PCDHGA5: variants seen among roughly 807,000 people sequenced by gnomAD.
PCDHGA5 encodes the protein protocadherin gamma-A5.
Under a neutral mutation model 56.7 loss-of-function variants are expected in PCDHGA5, and 36 were observed. That is an observed-to-expected ratio of 0.64 (90% CI 0.49 to 0.84). PCDHGA5 has a LOEUF of 0.84. Ranked by LOEUF, PCDHGA5 falls within the 40% of genes least tolerant of loss-of-function variation. The pLI is 0.00. For synonymous variants in PCDHGA5, 563 were observed against 520.2 expected (o/e 1.08, Z -1.12); for missense variants, 1,305 against 1,201.5 (o/e 1.09, Z -1.27).
intron 1 of PCDHGA5, chr5:141,414,969 G>A (rs764972439): frequency 7.4e-6 from 12 of 1,613,954 alleles, no homozygotes; most frequent in South Asian, 1.1e-5. Context: ...TGGTGGCGGT[G>A]GACAGAGACT....
intron 1 of PCDHGA5, among the ~76,000 whole-genome samples, chr5:141,430,398 C>T (rs2097281985): frequency 6.7e-6 from 1 of 150,224 alleles, no homozygotes. Flanking sequence ...AAAAAAAAAG[C>T]TCACTAAAGT....
chr5:141,481,913 CAA>C (rs34114744), intron 1 of PCDHGA5, among the ~76,000 whole-genome samples: 12,059 of 90,730 alleles, frequency 0.13, 576 homozygotes, highest in African/African-American at 0.21. Flanking sequence ...AACTCCATCT[CAA>C]AAAAAAAAAA....
In PCDHGA5 at chr5:141,432,601, G is replaced by A. The variant is rs1313279772; in HGVS notation, c.2422-62206G>A. The A allele has an allele frequency of 5.6e-6, 9 of 1,613,950 alleles. No homozygotes were observed. Among genetic ancestry groups the A allele is most frequent in the Admixed American group, 1.7e-5 (1 of 60,030 alleles). On this transcript the variant is annotated intron_variant, in intron 1 of 3. Transcript: ENST00000518069. The surrounding 1 kb of genome is among the most constrained non-coding windows in gnomAD (Gnocchi z 6.0). ...ACCGTCTGCTCAAGGCCAGCGAGCC[G>A]GGACTCTTCTCGGTGGGTCTGCACA...
intron 1 of PCDHGA5, among the ~76,000 whole-genome samples, chr5:141,449,520 C>T (rs1384869748): frequency 1.4e-5 from 2 of 144,104 alleles, no homozygotes; most frequent in Non-Finnish European, 1.5e-5. Context: ...ACCTGGGAGG[C>T]GGAGGTTGCA....
Position 141,366,562 on chromosome 5 carries a change from T to A in PCDHGA5, c.2232T>A (p.Asp744Glu), listed in dbSNP as rs767375100. 15 of 1,614,112 alleles carry A rather than the reference T, an allele frequency of 9.3e-6. No homozygotes were observed. The East Asian group carries it at 2.0e-4, about 22-fold the overall frequency. Residue 744 changes from aspartate (D) to glutamate (E), a missense_variant, in exon 1 of 4, where the codon GAT becomes GAA. Asp to Glu is a conservative substitution (Grantham distance 45). Transcript: ENST00000518069. ...GVPASHFVGV[D>E]GVRAFLQTYS... Reference sequence around the variant, plus strand: ...CCGCCTCGCACTTTGTGGGCGTGGATGGGGTTCGGGCTTTCCTGCAGACCT... The same window carrying A: ...CCGCCTCGCACTTTGTGGGCGTGGAAGGGGTTCGGGCTTTCCTGCAGACCT...
chr5:141,486,090 G>T lies in PCDHGA5; in HGVS notation c.2422-8717G>T, dbSNP rs190955361. 2.5e-6 allele frequency: 4 copies of T among 1,614,086 alleles called. No individual in the cohort carries two copies. In the East Asian group the frequency reaches 8.9e-5, roughly 36 times the overall value. On this transcript the variant is annotated intron_variant, in intron 1 of 3. Transcript: ENST00000518069. This position sits in a 1 kb window ranked among gnomAD's most constrained non-coding sequence, Gnocchi z 5.0. Reference sequence around the variant, plus strand: ...ACTACTGGAAAGCTTACTCTTTTGGGGCCCCTAGACTTTGAGAGTGAGAAT... The same window carrying T: ...ACTACTGGAAAGCTTACTCTTTTGGTGCCCCTAGACTTTGAGAGTGAGAAT...
chr5:141,464,911 T>G (rs2099093002), intron 1 of PCDHGA5, among the ~76,000 whole-genome samples: 1 of 151,718 alleles, frequency 6.6e-6, no homozygotes, highest in Non-Finnish European at 1.5e-5. Context: ...GCTAATTTTT[T>G]TATTTTTTTG....
chr5:141,380,674 T>G (rs1293551834), intron 1 of PCDHGA5, among the ~76,000 whole-genome samples: 1 of 152,262 alleles, frequency 6.6e-6, no homozygotes, highest in South Asian at 2.1e-4. Flanking sequence ...CCATAGGGTA[T>G]GTATGCTTTG....
intron 1 of PCDHGA5, among the ~76,000 whole-genome samples, chr5:141,380,452 A>G (rs939705980): frequency 9.9e-5 from 15 of 152,226 alleles, no homozygotes; most frequent in African/African-American, 3.6e-4. Flanking sequence ...TTTTTAATGC[A>G]ACCAAACAAA....
chr5:141,435,745 A>T (rs2097777848), intron 1 of PCDHGA5, among the ~76,000 whole-genome samples: 1 of 152,184 alleles, frequency 6.6e-6, no homozygotes, highest in African/African-American at 2.4e-5. Context: ...TTTGAAAAGC[A>T]TTGCTTGATT....
chr5:141,458,404 G>A lies in PCDHGA5; in HGVS notation c.2422-36403G>A, dbSNP rs183963289. Among the ~76,000 whole-genome samples the A allele has an allele frequency of 4.6e-5, 7 of 152,218 alleles. No homozygotes were observed. The East Asian group carries it at 5.8e-4, about 13-fold the overall frequency. ...GGAAGACGCTCCCCCTTGCAGAGAC[G>A]GAGCGGGGGTTCCAAAGCTGAAAGA... On this transcript the variant is annotated intron_variant, in intron 1 of 3. Transcript: ENST00000518069.
chr5:141,491,379 A>G lies in PCDHGA5; in HGVS notation c.2422-3428A>G, dbSNP rs140150079. 423 of 1,613,968 alleles carry G rather than the reference A, an allele frequency of 2.6e-4. No homozygotes were observed. Among genetic ancestry groups the G allele is most frequent in the Non-Finnish European group, 3.0e-4 (359 of 1,179,986 alleles). On this transcript the variant is annotated intron_variant, in intron 1 of 3. Transcript: ENST00000518069. The surrounding 1 kb of genome is among the most constrained non-coding windows in gnomAD (Gnocchi z 6.9). ...CCCTAGTCACCTTCACCTTTCTGTC[A>G]GCGAAGTGCCTTCAGGGAAACGCAG...
rs764156663 is a variant in PCDHGA5 at position 141,382,871 on chromosome 5, G to A, written c.2421+16120G>A. 2.6e-6 allele frequency: 4 copies of A among 1,520,506 alleles called. No individual in the cohort carries two copies. The South Asian group carries it at 4.0e-5, about 15-fold the overall frequency. 94.2% of individuals were successfully genotyped at this position (1,520,506 alleles called of 1,614,324 possible). On this transcript the variant is annotated intron_variant, in intron 1 of 3. Coordinates refer to ENST00000518069, the MANE Select transcript of PCDHGA5 (RefSeq NM_018918.3). ...GCATTCTGAAGCACTTCCCGAGATC[G>A]GCGCCTAAGCAAGAGAAGCAGGACG... is the stretch of plus-strand genomic sequence containing the variant.
chr5:141,459,486 G>A (rs764885682), intron 1 of PCDHGA5, among the ~76,000 whole-genome samples: 8 of 152,154 alleles, frequency 5.3e-5, no homozygotes, highest in Admixed American at 3.9e-4. Context: ...GTGCTATTCT[G>A]AATTAAAGTG....
chr5:141,441,725 C>A, intron 1 of PCDHGA5: 1 of 352,450 alleles, frequency 2.8e-6, no homozygotes. Flanking sequence ...AGGCCCGCGA[C>A]CAGGACTAGC....
rs2095356668 is a variant in PCDHGA5, at chr5:141,410,094, C to T, written c.2421+43343C>T. Reference sequence around the variant, plus strand: ...ACTGGGGAGGTGCGCACGGCTCGAGCCTTAGGCGACAGGGACGCAGCCCGC... The same window carrying T: ...ACTGGGGAGGTGCGCACGGCTCGAGTCTTAGGCGACAGGGACGCAGCCCGC... On this transcript the variant is annotated intron_variant, in intron 1 of 3. Coordinates refer to ENST00000518069, the MANE Select transcript of PCDHGA5 (RefSeq NM_018918.3). 6.2e-7 allele frequency: 1 copy of T among 1,612,528 alleles called. No homozygotes were observed. Among genetic ancestry groups the T allele is most frequent in the Non-Finnish European group, 8.5e-7 (1 of 1,179,670 alleles).
At chr5:141,441,764 C>T (rs1407504024) in intron 1 of PCDHGA5, 1 of 384,478 alleles carries the variant, frequency 2.6e-6, no homozygotes, top group South Asian at 2.1e-5. Context: ...TGAGCCTGCG[C>T]GTGTTGGTGG....
intron 1 of PCDHGA5, chr5:141,419,094 G>A (rs1241481126): frequency 2.5e-6 from 4 of 1,613,776 alleles, no homozygotes; most frequent in South Asian, 1.1e-5. Flanking sequence ...GCCCTGGATC[G>A]GGAGCAGACC....
chr5:141,499,689 CTTTTTTTT>C (rs545067566), intron 2 of PCDHGA5, among the ~76,000 whole-genome samples: 2 of 119,856 alleles, frequency 1.7e-5, no homozygotes, highest in Non-Finnish European at 3.5e-5. Flanking sequence ...TAACAGATGA[CTTTTTTTT>C]TTTTTTTTTT....
Sources: allele counts gnomAD v4.1 joint callset (sites outside exome capture counted in the v4.1 genomes callset), GRCh38; gene constraint gnomAD v4.1.1; non-coding constraint Gnocchi (gnomAD v3.1); transcripts MANE v1.5; gene names NCBI Gene and HGNC (gene_info 2026-07-23, HGNC 2026-07-21).